The following PRKCQ variants were observed in gnomAD, a reference collection of about 807,000 sequenced individuals.
The protein encoded by PRKCQ is protein kinase C theta type.
PRKCQ carries 41 observed loss-of-function variants against 91.2 expected under a neutral mutation model. The ratio of observed to expected loss-of-function variants is 0.45; its 90% CI spans 0.35 to 0.58. The LOEUF is 0.58. Among genes scored for constraint, PRKCQ ranks in the 20% least tolerant of loss-of-function variants. PRKCQ has a pLI of 0.00. For synonymous variants in PRKCQ, 307 were observed against 316.9 expected (o/e 0.97, Z 0.33); for missense variants, 673 against 896.5 (o/e 0.75, Z 3.18).
intron 1 of PRKCQ, among the ~76,000 whole-genome samples, chr10:6,569,296 G>A (rs1402190123): frequency 3.3e-5 from 5 of 152,050 alleles, no homozygotes; most frequent in Non-Finnish European, 7.3e-5. Flanking sequence ...GAGCTTTCCA[G>A]AGGACAAGAG....
intron 1 of PRKCQ, among the ~76,000 whole-genome samples, chr10:6,533,821 G>A (rs74114315): frequency 6.6e-6 from 1 of 152,114 alleles, no homozygotes; most frequent in African/African-American, 2.4e-5. Context: ...GTGTCTACCA[G>A]CTAAAACCTA....
At chr10:6,504,826 C>T (rs568368) in intron 4 of PRKCQ, among the ~76,000 whole-genome samples, 149,454 of 152,172 alleles carry the variant, frequency 0.98, 73,445 homozygotes, top group East Asian at 1. Flanking sequence ...TTTTTTGACA[C>T]ATAAAAATTT....
chr10:6,565,196 C>T (rs2130963379), intron 1 of PRKCQ, among the ~76,000 whole-genome samples: 1 of 152,342 alleles, frequency 6.6e-6, no homozygotes, highest in South Asian at 2.1e-4. Flanking sequence ...TGAGATAGCA[C>T]AGTACTTGAA....
At chr10:6,449,700 AC>A (rs1466382166) in intron 15 of PRKCQ, among the ~76,000 whole-genome samples, 1 of 152,204 alleles carries the variant, frequency 6.6e-6, no homozygotes, top group African/African-American at 2.4e-5. Context: ...CGGGTTACCC[AC>A]AAAGGGAAGC....
At chr10:6,513,718 T>A (rs1838610767) in intron 2 of PRKCQ, among the ~76,000 whole-genome samples, 1 of 152,212 alleles carries the variant, frequency 6.6e-6, no homozygotes, top group Non-Finnish European at 1.5e-5. Context: ...TCAGAGTGGC[T>A]GGAAGGACAA....
In PRKCQ at chr10:6,465,063, A is replaced by G. The variant is rs1442739036; in HGVS notation, c.1354-659T>C. 6.6e-6 allele frequency among the ~76,000 whole-genome samples: 1 copy of G among 152,130 alleles called. No individual in the cohort carries two copies. The highest frequency in any genetic ancestry group is 1.5e-5 in the Non-Finnish European group (1 of 68,028). ...GGCACTTAGCATGTGCCGATTGTATACTTATTGAAAGTGACAGGGTGCAGG... is the reference window on the plus strand; with the variant it reads ...GGCACTTAGCATGTGCCGATTGTATGCTTATTGAAAGTGACAGGGTGCAGG... On this transcript the variant is annotated intron_variant, in intron 12 of 17. Coordinates refer to ENST00000263125, the MANE Select transcript of PRKCQ (RefSeq NM_006257.5). This position sits in a 1 kb window ranked among gnomAD's most constrained non-coding sequence, Gnocchi z 4.4.
rs71391841 is a variant in PRKCQ at position 6,488,387 on chromosome 10, C to CT, written c.791-2244dup. Reference sequence around the variant, plus strand: ...GAATTTTCTATGTAAATAACTATTACTTTTTTTTTTTTTTTTGACATGGAG... The same window carrying CT: ...GAATTTTCTATGTAAATAACTATTACTTTTTTTTTTTTTTTTTGACATGGAG... On this transcript the variant is annotated intron_variant, in intron 8 of 17. Transcript: ENST00000263125. Among the ~76,000 whole-genome samples, 271 of 140,684 alleles carry CT rather than the reference C, an allele frequency of 1.9e-3. 1 individual carries two copies. The highest frequency in any genetic ancestry group is 3.7e-3 in the African/African-American group (145 of 38,820). The allele number at this position is 140,684 out of a possible 152,430, so 92.3% of individuals were successfully genotyped here.
chr10:6,439,345 G>GA (rs1833854865), intron 16 of PRKCQ, among the ~76,000 whole-genome samples: 1 of 152,202 alleles, frequency 6.6e-6, no homozygotes, highest in South Asian at 2.1e-4. Context: ...TTGTTAGAGT[G>GA]AAGAAGTCAA....
intron 16 of PRKCQ, among the ~76,000 whole-genome samples, chr10:6,437,961 C>T (rs1291271930): frequency 1.3e-5 from 2 of 152,132 alleles, no homozygotes; most frequent in Admixed American, 6.5e-5. Flanking sequence ...CTCCCACTAA[C>T]TTATTTTTAC....
intron 9 of PRKCQ, 65 bp downstream of exon 9, chr10:6,485,970 A>G: frequency 7.2e-7 from 1 of 1,380,854 alleles, no homozygotes. Context: ...GTGAAGCAGC[A>G]GAAGTGCATG....
At chr10:6,548,737 G>A (rs894294406) in intron 1 of PRKCQ, among the ~76,000 whole-genome samples, 1 of 103,820 alleles carries the variant, frequency 9.6e-6, no homozygotes, top group Non-Finnish European at 1.9e-5. Flanking sequence ...CTGTTGTGGG[G>A]TGGGGGGAGG....
At chr10:6,441,419 G>A (rs1833965180) in intron 16 of PRKCQ, among the ~76,000 whole-genome samples, 1 of 151,910 alleles carries the variant, frequency 6.6e-6, no homozygotes, top group African/African-American at 2.4e-5. Context: ...TGGGATTACA[G>A]GTGTGAGCTA....
chr10:6,443,976 T>C (rs1388342434), intron 15 of PRKCQ, among the ~76,000 whole-genome samples: 2 of 152,170 alleles, frequency 1.3e-5, no homozygotes, highest in African/African-American at 4.8e-5. Context: ...GGAGGGGGAA[T>C]AGGGAGCTGG....
chr10:6,503,137 T>C (rs1241423714), intron 4 of PRKCQ, among the ~76,000 whole-genome samples: 1 of 152,200 alleles, frequency 6.6e-6, no homozygotes, highest in Non-Finnish European at 1.5e-5. Context: ...AGGCTTATCA[T>C]GGGAGCCAGG....
chr10:6,573,550 G>A (rs1338344760), intron 1 of PRKCQ, among the ~76,000 whole-genome samples: 2 of 152,130 alleles, frequency 1.3e-5, no homozygotes, highest in Non-Finnish European at 2.9e-5. Flanking sequence ...CACAGCAAAC[G>A]GCCGATAGTG....
At chr10:6,491,513 A>C (rs541394181) in intron 8 of PRKCQ, among the ~76,000 whole-genome samples, 170 bp downstream of exon 8, 5 of 152,206 alleles carry the variant, frequency 3.3e-5, no homozygotes, top group African/African-American at 1.2e-4. Context: ...GGGTGCAAGG[A>C]AAGGAACATA....
At chr10:6,488,923 G>A (rs1257983469) in intron 8 of PRKCQ, among the ~76,000 whole-genome samples, 1 of 151,860 alleles carries the variant, frequency 6.6e-6, no homozygotes, top group Non-Finnish European at 1.5e-5. Context: ...GAGACCACAG[G>A]CGTGCACACC....
the PRKCQ span, among the ~76,000 whole-genome samples, chr10:6,408,960 C>G: frequency 1.3e-5 from 2 of 152,160 alleles, no homozygotes; most frequent in East Asian, 1.9e-4. Context: ...AATTGTTTTC[C>G]GAAGCTACTG....
intron 16 of PRKCQ, among the ~76,000 whole-genome samples, chr10:6,433,719 G>A (rs949047258): frequency 2.0e-5 from 3 of 152,016 alleles, no homozygotes; most frequent in African/African-American, 7.3e-5. Context: ...TCATCACATG[G>A]AGCTGATTGA....
Sources: allele counts gnomAD v4.1 joint callset (sites outside exome capture counted in the v4.1 genomes callset), GRCh38; gene constraint gnomAD v4.1.1; non-coding constraint Gnocchi (gnomAD v3.1); transcripts MANE v1.5; gene names NCBI Gene and HGNC (gene_info 2026-07-23, HGNC 2026-07-21).